Variants in FNDC3A observed in about 807,000 individuals in gnomAD.
FNDC3A encodes the protein fibronectin type III domain containing 3A.
Under a neutral mutation model 148.9 loss-of-function variants are expected in FNDC3A, and 32 were observed. The observed-to-expected ratio is 0.21, with a 90% CI of 0.16 to 0.29. The LOEUF is 0.29. Ranked by LOEUF, FNDC3A falls within the 10% of genes least tolerant of loss-of-function variation. The probability of loss-of-function intolerance (pLI) is 1.00; values close to 1 mark genes in which losing one functional copy is unlikely to be tolerated. For missense variants in FNDC3A, 1,191 were observed against 1,452.8 expected, an observed-to-expected ratio of 0.82 and a Z score of 2.93; for synonymous variants, 472 against 473.6, an observed-to-expected ratio of 1.00 and a Z score of 0.04.
chr13:49,171,493 T>C (rs1884752042), intron 10 of FNDC3A, among the ~76,000 whole-genome samples: 1 of 152,134 alleles, frequency 6.6e-6, no homozygotes, highest in South Asian at 2.1e-4. Flanking sequence ...AGTGATTAAA[T>C]ACTGAAATAA....
Position 49,175,353 on chromosome 13 carries a change from A to C in FNDC3A, c.1356-14A>C. 5 of 1,536,096 alleles carry C rather than the reference A, an allele frequency of 3.3e-6. No individual in the cohort carries two copies. Among genetic ancestry groups the C allele is most frequent in the Non-Finnish European group, 3.5e-6 (4 of 1,141,252 alleles). On this transcript the variant is annotated splice_polypyrimidine_tract_variant and intron_variant, in intron 12 of 25. Coordinates refer to ENST00000492622, the MANE Select transcript of FNDC3A (RefSeq NM_001079673.2). ...TAACTTTTTCATGCCTTTTAAAACC[A>C]TTTGTTTCAACAGTGGTTTTAGTGA...
At chr13:49,001,366 T>C (rs2137587865) in intron 1 of FNDC3A, among the ~76,000 whole-genome samples, 1 of 152,238 alleles carries the variant, frequency 6.6e-6, no homozygotes, top group East Asian at 1.9e-4. Context: ...GATGATTGGG[T>C]TAACTGCACA....
At chr13:49,161,140 T>G (rs1884082997) in intron 8 of FNDC3A, among the ~76,000 whole-genome samples, 1 of 152,184 alleles carries the variant, frequency 6.6e-6, no homozygotes, top group Admixed American at 6.5e-5. Flanking sequence ...TTAGGTCCAG[T>G]TGGTGCAGAC....
At chr13:49,180,643 A>G (rs1885256265) in intron 14 of FNDC3A, among the ~76,000 whole-genome samples, 1 of 152,222 alleles carries the variant, frequency 6.6e-6, no homozygotes, top group Non-Finnish European at 1.5e-5. Flanking sequence ...CTAAAATTCT[A>G]CTACCATGTA....
At chr13:49,076,243 T>C (rs1210608058) in intron 3 of FNDC3A, among the ~76,000 whole-genome samples, 1 of 151,980 alleles carries the variant, frequency 6.6e-6, no homozygotes, top group African/African-American at 2.4e-5. Flanking sequence ...ACTTAACCTC[T>C]GTAAGTACTT....
chr13:48,975,546 G>C (rs539421003), upstream of FNDC3A: 1 of 152,254 alleles, frequency 6.6e-6, no homozygotes, highest in Non-Finnish European at 1.5e-5. Context: ...TTTCGGAAAG[G>C]GGCCGACAGG....
chr13:49,052,847 G>A (rs966515483), intron 2 of FNDC3A, among the ~76,000 whole-genome samples: 1 of 152,188 alleles, frequency 6.6e-6, no homozygotes, highest in African/African-American at 2.4e-5. Context: ...GGTGGGAGCA[G>A]GGATAGGTAT....
chr13:49,055,950 G>C (rs1368660722), intron 2 of FNDC3A, among the ~76,000 whole-genome samples: 1 of 152,088 alleles, frequency 6.6e-6, no homozygotes, highest in African/African-American at 2.4e-5. Flanking sequence ...ACTTTGGAAG[G>C]CTGAGGCAGG....
At chr13:49,081,568 T>G (rs1878472294) in intron 3 of FNDC3A, among the ~76,000 whole-genome samples, 1 of 152,152 alleles carries the variant, frequency 6.6e-6, no homozygotes, top group South Asian at 2.1e-4. Context: ...AGAACATAAT[T>G]TTGTCATAGA....
At position 49,139,820 on chromosome 13, in the gene FNDC3A, G is replaced by A. The variant is rs570324210; in HGVS notation, c.819+1015G>A. Among the ~76,000 whole-genome samples, 233 of 152,288 alleles carry A rather than the reference G, an allele frequency of 1.5e-3. 5 individuals carry two copies. The highest frequency in any genetic ancestry group is 0.01 in the South Asian group (50 of 4,828). On this transcript the variant is annotated intron_variant, in intron 7 of 25. Coordinates refer to ENST00000492622, the MANE Select transcript of FNDC3A (RefSeq NM_001079673.2). ...TTTAATACCTGTGACAACCATATAT[G>A]TACTATTTTCCCTGCTTTACAAATG... is the stretch of plus-strand genomic sequence containing the variant.
chr13:49,152,043 G>A (rs1327802049), intron 8 of FNDC3A, among the ~76,000 whole-genome samples: 1 of 152,206 alleles, frequency 6.6e-6, no homozygotes, highest in Non-Finnish European at 1.5e-5. Flanking sequence ...AAACATGTGT[G>A]CATGTGTCTT....
intron 1 of FNDC3A, among the ~76,000 whole-genome samples, chr13:48,996,180 A>G (rs4942794): frequency 0.073 from 11,089 of 152,250 alleles, 629 homozygotes; most frequent in Admixed American, 0.17. Context: ...AACCATATCC[A>G]TATTATAAAA....
chr13:49,168,068 A>G (rs769221868), intron 9 of FNDC3A, among the ~76,000 whole-genome samples: 1 of 152,222 alleles, frequency 6.6e-6, no homozygotes, highest in Non-Finnish European at 1.5e-5. Flanking sequence ...CTAAAATTTC[A>G]TAGACTCTAG....
chr13:49,053,043 G>A (rs907971027), intron 2 of FNDC3A, among the ~76,000 whole-genome samples: 4 of 152,130 alleles, frequency 2.6e-5, no homozygotes, highest in Admixed American at 6.6e-5. Context: ...CCACTCGGCC[G>A]CAGTCCTGAA....
chr13:49,006,178 T>G lies in FNDC3A; in HGVS notation c.-13T>G. On this transcript the variant is annotated 5_prime_UTR_variant, in exon 2 of 26. The change abolishes an upstream ATG in the 5' untranslated region. Coordinates refer to ENST00000492622, the MANE Select transcript of FNDC3A (RefSeq NM_001079673.2). ...ATTGGAGCGTTATTCAGTATATTAA[T>G]GTCTTATTGATAATGGCAGAACATC... 1 of 1,447,620 alleles carries G rather than the reference T, an allele frequency of 6.9e-7. No individual in the cohort carries two copies. The highest frequency in any genetic ancestry group is 9.7e-7 in the Non-Finnish European group (1 of 1,033,020). 89.7% of individuals were successfully genotyped at this position (1,447,620 alleles called of 1,614,324 possible).
intron 3 of FNDC3A, among the ~76,000 whole-genome samples, chr13:49,079,958 G>GTGC (rs1205343256): frequency 6.6e-6 from 1 of 152,078 alleles, no homozygotes; most frequent in Non-Finnish European, 1.5e-5. Context: ...AGGACTGCAG[G>GTGC]TGCATGCCAC....
At chr13:49,041,338 T>A (rs1874911418) in intron 2 of FNDC3A, among the ~76,000 whole-genome samples, 1 of 152,226 alleles carries the variant, frequency 6.6e-6, no homozygotes, top group African/African-American at 2.4e-5. Flanking sequence ...ACTCTTTCTC[T>A]GCCATACCAT....
At chr13:49,017,783 T>G (rs1315261762) in intron 2 of FNDC3A, among the ~76,000 whole-genome samples, 6 of 152,084 alleles carry the variant, frequency 3.9e-5, no homozygotes, top group African/African-American at 1.4e-4. Flanking sequence ...AGGAGCTCTT[T>G]TAGGGCAGGC....
At chr13:49,145,544 G>C (rs1882943098) in intron 7 of FNDC3A, among the ~76,000 whole-genome samples, 1 of 151,942 alleles carries the variant, frequency 6.6e-6, no homozygotes, top group Non-Finnish European at 1.5e-5. Flanking sequence ...ACTATGTATG[G>C]TGTCTACGCT....
Sources: allele counts gnomAD v4.1 joint callset (sites outside exome capture counted in the v4.1 genomes callset), GRCh38; gene constraint gnomAD v4.1.1; transcripts MANE v1.5; gene names NCBI Gene and HGNC (gene_info 2026-07-23, HGNC 2026-07-21).